Variants in PBX3 observed in about 807,000 individuals in gnomAD.
PBX3 encodes PBX homeobox 3.
A neutral mutation model predicts 48.5 loss-of-function variants in PBX3; 14 were observed. The observed-to-expected ratio is 0.29, with a 90% CI of 0.19 to 0.45. The LOEUF is 0.45. Ranked by LOEUF, PBX3 falls within the 20% of genes least tolerant of loss-of-function variation. The probability of loss-of-function intolerance (pLI) is 1.00; values close to 1 mark genes in which losing one functional copy is unlikely to be tolerated. For missense variants in PBX3, 386 were observed against 546.7 expected, an observed-to-expected ratio of 0.71 and a Z score of 2.93; for synonymous variants, 210 against 200.3, an observed-to-expected ratio of 1.05 and a Z score of -0.41.
chr9:125,887,293 G>A (rs1047306985), intron 2 of PBX3, among the ~76,000 whole-genome samples: 1 of 152,156 alleles, frequency 6.6e-6, no homozygotes, highest in Non-Finnish European at 1.5e-5. Context: ...ACAGAAAGCT[G>A]TGTTGCAAAG....
intron 2 of PBX3, among the ~76,000 whole-genome samples, chr9:125,886,271 T>C (rs1464326700): frequency 2.6e-5 from 4 of 152,122 alleles, no homozygotes; most frequent in African/African-American, 4.8e-5. Context: ...TATAGCACTG[T>C]CTCAAAACCC....
chr9:125,805,770 G>T (rs1312272073), intron 2 of PBX3, among the ~76,000 whole-genome samples: 4 of 152,118 alleles, frequency 2.6e-5, no homozygotes, highest in Non-Finnish European at 5.9e-5. Context: ...GTTTTGGGGT[G>T]GGAGAGGGAG....
At chr9:125,879,077 C>CTTTTTTTTTT (rs36094728) in intron 2 of PBX3, among the ~76,000 whole-genome samples, 1 of 124,610 alleles carries the variant, frequency 8.0e-6, no homozygotes. Flanking sequence ...ACATGCTATT[C>CTTTTTTTTTT]TTTTTTTTTT....
intron 2 of PBX3, among the ~76,000 whole-genome samples, chr9:125,826,464 A>G (rs188931086): frequency 1.4e-4 from 21 of 152,256 alleles, no homozygotes; most frequent in Non-Finnish European, 2.8e-4. Context: ...ATTGGTGATT[A>G]TGGGATTTTT....
chr9:125,817,007 G>A (rs1210391663), intron 2 of PBX3, among the ~76,000 whole-genome samples: 1 of 152,098 alleles, frequency 6.6e-6, no homozygotes, highest in African/African-American at 2.4e-5. Flanking sequence ...ATGCGTAGCT[G>A]ATCTTCACCT....
At chr9:125,793,366 A>AATATATATATATATAT (rs1554855765) in intron 2 of PBX3, among the ~76,000 whole-genome samples, 67 of 101,930 alleles carry the variant, frequency 6.6e-4, no homozygotes, top group African/African-American at 2.3e-3. Context: ...GGAAAAAAAA[A>AATATATATATATATAT]ATATATATAT....
chr9:125,877,674 A>G (rs562834310), intron 2 of PBX3, among the ~76,000 whole-genome samples: 1 of 152,126 alleles, frequency 6.6e-6, no homozygotes, highest in Non-Finnish European at 1.5e-5. Context: ...ATCATGCTCC[A>G]TAACATTTTC....
chr9:125,775,298 G>A (rs1297560275), intron 2 of PBX3, among the ~76,000 whole-genome samples: 2 of 151,998 alleles, frequency 1.3e-5, no homozygotes, highest in African/African-American at 2.4e-5. Context: ...TAATCTTTTT[G>A]TGTGCTCGTT....
At chr9:125,808,064 A>T (rs765741694) in intron 2 of PBX3, among the ~76,000 whole-genome samples, 31 of 152,232 alleles carry the variant, frequency 2.0e-4, no homozygotes, top group Non-Finnish European at 4.0e-4. Flanking sequence ...AAGTCCAGAT[A>T]GGGATAAAGT....
chr9:125,802,033 G>A (rs1276685781), intron 2 of PBX3, among the ~76,000 whole-genome samples: 1 of 152,122 alleles, frequency 6.6e-6, no homozygotes. Context: ...ACTGCACCCA[G>A]CCTAGGTAAC....
intron 2 of PBX3, among the ~76,000 whole-genome samples, chr9:125,909,696 A>G (rs1055129350): frequency 8.5e-5 from 13 of 152,144 alleles, no homozygotes; most frequent in African/African-American, 3.1e-4. Context: ...TTACACTGTC[A>G]TAGAAAAACA....
At chr9:125,784,078 A>C (rs1837396259) in intron 2 of PBX3, among the ~76,000 whole-genome samples, 1 of 152,074 alleles carries the variant, frequency 6.6e-6, no homozygotes, top group South Asian at 2.1e-4. Flanking sequence ...GTTTCTGTTA[A>C]TGTCTTCTGT....
intron 2 of PBX3, chr9:125,843,660 C>T (rs974483820): frequency 9.6e-6 from 3 of 312,034 alleles, no homozygotes; most frequent in Non-Finnish European, 2.0e-5. Flanking sequence ...TACATTAGGG[C>T]ACCAGAGAAC....
At chr9:125,808,213 A>G (rs937254975) in intron 2 of PBX3, among the ~76,000 whole-genome samples, 13 of 152,170 alleles carry the variant, frequency 8.5e-5, no homozygotes, top group Admixed American at 8.5e-4. Context: ...TTGGTTTATG[A>G]TTATATCATT....
intron 3 of PBX3, among the ~76,000 whole-genome samples, chr9:125,924,102 T>C (rs531535714): frequency 6.6e-6 from 1 of 152,304 alleles, no homozygotes; most frequent in African/African-American, 2.4e-5. Flanking sequence ...ACTCCTGGGC[T>C]CAAGCAGTAC....
chr9:125,880,179 G>A (rs1840349315), intron 2 of PBX3, among the ~76,000 whole-genome samples: 1 of 152,144 alleles, frequency 6.6e-6, no homozygotes, highest in Admixed American at 6.5e-5. Flanking sequence ...TGAGTAGCTG[G>A]GATTACAGGT....
chr9:125,781,879 T>A (rs532730375), intron 2 of PBX3, among the ~76,000 whole-genome samples: 5 of 152,278 alleles, frequency 3.3e-5, no homozygotes, highest in African/African-American at 1.2e-4. Context: ...TAAGTTTTGG[T>A]ATGTTGTATT....
Position 125,850,749 on chromosome 9 carries a change from T to TAA in PBX3, c.275-64935_275-64934dup, listed in dbSNP as rs147123300. On this transcript the variant is annotated intron_variant, in intron 2 of 8. Coordinates refer to ENST00000373489, the MANE Select transcript of PBX3 (RefSeq NM_006195.6). ...TTAAGTTTGTAAGCCTTATAAAAAC[T>TAA]AAAGATAAAACTGTTTGAGAAAATC... 2.5e-3 allele frequency among the ~76,000 whole-genome samples: 385 copies of TAA among 152,206 alleles called. 2 individuals carry two copies. The highest frequency in any genetic ancestry group is 9.2e-3 in the African/African-American group (381 of 41,568).
At chr9:125,783,661 A>C (rs762171464) in intron 2 of PBX3, among the ~76,000 whole-genome samples, 2 of 152,062 alleles carry the variant, frequency 1.3e-5, no homozygotes, top group African/African-American at 4.8e-5. Flanking sequence ...GGTTTCTTTT[A>C]ACTCCTTGTT....
Sources: gnomAD v4.1 joint callset for allele counts (sites outside exome capture counted in the v4.1 genomes callset) on GRCh38, gnomAD v4.1.1 for gene constraint, MANE v1.5 for transcripts, NCBI Gene and HGNC (gene_info 2026-07-23, HGNC 2026-07-21) for gene names.